Variants in EFCAB6 observed in about 807,000 individuals in gnomAD.
The protein encoded by EFCAB6 is EF-hand calcium-binding domain-containing protein 6.
In EFCAB6, 156 loss-of-function variants were observed where a neutral mutation model predicts 169.8. The observed-to-expected ratio is 0.92, with a 90% CI of 0.81 to 1.05. The LOEUF (loss-of-function observed/expected upper bound fraction) is 1.05, where lower values mean the gene tolerates loss of function less well. Among genes scored for constraint, EFCAB6 ranks in the 50% least tolerant of loss-of-function variants. The pLI, the probability that EFCAB6 is intolerant of heterozygous loss-of-function variation, is 0.00. For missense variants in EFCAB6, 1,800 were observed against 1,829.1 expected (o/e 0.98, Z 0.29); for synonymous variants, 698 against 676.4 (o/e 1.03, Z -0.50).
intron 2 of EFCAB6, among the ~76,000 whole-genome samples, chr22:43,803,653 G>C (rs2062812571): frequency 6.6e-6 from 1 of 152,042 alleles, no homozygotes; most frequent in Non-Finnish European, 1.5e-5. Context: ...CACCATGCCA[G>C]AGCTCACAAA....
At chr22:43,568,398 G>A (rs1211538698) in intron 26 of EFCAB6, among the ~76,000 whole-genome samples, 1 of 152,212 alleles carries the variant, frequency 6.6e-6, no homozygotes, top group Admixed American at 6.5e-5. Flanking sequence ...ATAGGATCAT[G>A]ACCTCATAGA....
At chr22:43,683,975 C>A in intron 11 of EFCAB6, 120 bp from the exon 12 acceptor site, 1 of 711,452 alleles carries the variant, frequency 1.4e-6, no homozygotes, top group Non-Finnish European at 2.4e-6. Flanking sequence ...GTGCGTGGCT[C>A]TTTTTCCTGA....
chr22:43,571,144 T>C (rs946139327), intron 26 of EFCAB6, among the ~76,000 whole-genome samples: 25 of 152,150 alleles, frequency 1.6e-4, no homozygotes, highest in African/African-American at 5.8e-4. Flanking sequence ...TTAAGAATAA[T>C]AGGAGTTTTG....
At chr22:43,540,460 A>C in intron 27 of EFCAB6, 103 bp from the exon 28 acceptor site, 1 of 1,584,510 alleles carries the variant, frequency 6.3e-7, no homozygotes, top group Non-Finnish European at 8.5e-7. Flanking sequence ...GCAGGAGGTG[A>C]GCACTCACGT....
chr22:43,640,872 CA>C (rs1363611287), intron 17 of EFCAB6, among the ~76,000 whole-genome samples: 1 of 152,098 alleles, frequency 6.6e-6, no homozygotes, highest in Non-Finnish European at 1.5e-5. Context: ...AAACTGGAAG[CA>C]AAACTCCCAG....
At chr22:43,538,319 A>C (rs1156449478) in intron 28 of EFCAB6, among the ~76,000 whole-genome samples, 3 of 152,076 alleles carry the variant, frequency 2.0e-5, no homozygotes, top group Non-Finnish European at 4.4e-5. Flanking sequence ...CCCCATCCCA[A>C]GCCACCATCG....
In EFCAB6 at chr22:43,764,840, C is replaced by G. The variant is rs538942502; in HGVS notation, c.440+465G>C. On this transcript the variant is annotated intron_variant, in intron 5 of 31. Transcript: ENST00000262726. ...GTTGCAAAAAAAAAAGAGTCCCATG[C>G]TTTATGCAAAAACTATGAAATATTC... Among the ~76,000 whole-genome samples the G allele has an allele frequency of 1.4e-4, 21 of 152,026 alleles. No individual in the cohort carries two copies. In the South Asian group the frequency reaches 4.1e-3, roughly 30 times the overall value.
intron 10 of EFCAB6, among the ~76,000 whole-genome samples, chr22:43,703,520 T>C (rs956237721): frequency 1.2e-3 from 179 of 151,998 alleles, no homozygotes; most frequent in Admixed American, 2.8e-3. Flanking sequence ...GAAAGGAAGA[T>C]GTATTAAATG....
At position 43,626,696 on chromosome 22, in the gene EFCAB6, C is replaced by A. The variant is rs778257489; in HGVS notation, c.2233-17G>T. 6.2e-7 allele frequency: 1 copy of A among 1,613,278 alleles called. No homozygotes were observed. Among genetic ancestry groups the A allele is most frequent in the South Asian group, 1.1e-5 (1 of 91,056 alleles). On this transcript the variant is annotated splice_polypyrimidine_tract_variant and intron_variant, in intron 19 of 31. Coordinates refer to ENST00000262726, the MANE Select transcript of EFCAB6 (RefSeq NM_022785.4). ...GTAGGGGTCCTAAAAACAAAACACA[C>A]ACGTCAAAGCCCTTCCCCAAGAGCC... is the stretch of plus-strand genomic sequence containing the variant.
chr22:43,715,999 CAT>C (rs1450020809), intron 9 of EFCAB6, among the ~76,000 whole-genome samples: 1 of 152,156 alleles, frequency 6.6e-6, no homozygotes, highest in East Asian at 1.9e-4. Context: ...CCAAGTTTAT[CAT>C]ATGTTTATAC....
chr22:43,590,279 A>C, intron 23 of EFCAB6, 50 bp from the exon 24 acceptor site: 1 of 1,582,550 alleles, frequency 6.3e-7, no homozygotes. Context: ...AAAACAAATA[A>C]CTCCTTTAAA....
In EFCAB6 at chr22:43,668,909, G is replaced by A; in HGVS notation, c.1777C>T (p.Gln593Ter). Residue 593 changes from glutamine to a stop codon, truncating the protein, a stop_gained, in exon 16 of 32, where the codon CAA becomes TAA. Transcript: ENST00000262726. LOFTEE classifies it high-confidence loss of function. ...TCTGGCTGCTGCTGTTCATCTTTTT[G>A]TAAATGTTCACTTAACAGCTGATCC... Reference protein sequence around the residue: ...PKDQLLSEHLQKDEQQQPDLS... With the variant: ...PKDQLLSEHL The A allele has an allele frequency of 6.2e-7, 1 of 1,606,798 alleles. No homozygotes were observed.
intron 8 of EFCAB6, among the ~76,000 whole-genome samples, chr22:43,726,115 G>T (rs1338539696): frequency 6.6e-6 from 1 of 151,384 alleles, no homozygotes; most frequent in Admixed American, 6.6e-5. Context: ...TAGGCATTGG[G>T]GATACATAAA....
chr22:43,803,286 T>A (rs779420796), intron 2 of EFCAB6, among the ~76,000 whole-genome samples: 2 of 152,198 alleles, frequency 1.3e-5, no homozygotes, highest in Admixed American at 6.5e-5. Flanking sequence ...ATTCTCCCAT[T>A]TTCATTTCAC....
chr22:43,640,420 G>T (rs2055720250), intron 17 of EFCAB6, among the ~76,000 whole-genome samples: 1 of 152,172 alleles, frequency 6.6e-6, no homozygotes, highest in Non-Finnish European at 1.5e-5. Flanking sequence ...TTCAGTTCTT[G>T]TATCCTTAGC....
intron 24 of EFCAB6, among the ~76,000 whole-genome samples, chr22:43,583,247 C>T (rs1177842653): frequency 2.0e-5 from 3 of 151,758 alleles, no homozygotes; most frequent in African/African-American, 7.3e-5. Flanking sequence ...ACTCCCCATG[C>T]TTGGTTCTTT....
intron 2 of EFCAB6, among the ~76,000 whole-genome samples, chr22:43,799,108 C>T (rs2062612109): frequency 6.6e-6 from 1 of 151,864 alleles, no homozygotes; most frequent in East Asian, 1.9e-4. Context: ...GGATCGATTG[C>T]TTGAGGCCAA....
chr22:43,683,135 CCTCA>C (rs1472630832), intron 12 of EFCAB6, among the ~76,000 whole-genome samples: 1 of 152,180 alleles, frequency 6.6e-6, no homozygotes, highest in African/African-American at 2.4e-5. Context: ...TCACCCTGCT[CCTCA>C]CTGTTTACTA....
intron 8 of EFCAB6, among the ~76,000 whole-genome samples, chr22:43,722,487 C>T (rs778116013): frequency 1.0e-4 from 15 of 150,658 alleles, no homozygotes; most frequent in East Asian, 5.9e-4. Context: ...GCCGGGATCG[C>T]GCTGCTGCAC....
Sources: allele counts gnomAD v4.1 joint callset (sites outside exome capture counted in the v4.1 genomes callset), GRCh38; gene constraint gnomAD v4.1.1; transcripts MANE v1.5; gene names NCBI Gene and HGNC (gene_info 2026-07-23, HGNC 2026-07-21).